The following IMMP1L variants were observed in gnomAD, a reference collection of about 807,000 sequenced individuals.
IMMP1L encodes the protein inner mitochondrial membrane peptidase subunit 1, also known as mitochondrial inner membrane protease subunit 1.
In IMMP1L, 24 loss-of-function variants were observed where a neutral mutation model predicts 21.8. The observed-to-expected ratio is 1.10, with a 90% CI of 0.80 to 1.55. The LOEUF is 1.55. Among genes scored for constraint, IMMP1L ranks in the 40% most tolerant of loss-of-function variants. IMMP1L has a pLI of 0.00. For missense variants in IMMP1L, 195 were observed against 200.7 expected (o/e 0.97, Z 0.17); for synonymous variants, 46 against 62.8 (o/e 0.73, Z 1.26).
rs200626059 is a variant in IMMP1L at position 31,456,260 on chromosome 11, A to G, written c.321T>C (p.Tyr107=). 3.8e-6 allele frequency: 6 copies of G among 1,585,358 alleles called. No homozygotes were observed. In the East Asian group the frequency reaches 1.3e-4, roughly 36 times the overall value. Residue 107 remains tyrosine (Y), a splice_region_variant and synonymous_variant, in exon 4 of 6, where the codon TAT becomes TAC. Transcript: ENST00000532287. ...SPSDFFKSHS[Y]VPMGHVWLEG... is the part of the protein sequence containing the mutation. Reference sequence around the variant, plus strand: ...ATAACATAATTGAAATGTTACTTACATAACTATGGCTTTTAAAGAAATCTG... The same window carrying G: ...ATAACATAATTGAAATGTTACTTACGTAACTATGGCTTTTAAAGAAATCTG...
chr11:31,499,292 G>C (rs1298688357), intron 1 of IMMP1L, among the ~76,000 whole-genome samples: 1 of 152,138 alleles, frequency 6.6e-6, no homozygotes, highest in Non-Finnish European at 1.5e-5. Flanking sequence ...GTGAACCCGG[G>C]ACGCGGAGCT....
intron 1 of IMMP1L, among the ~76,000 whole-genome samples, chr11:31,499,876 G>A (rs1161086261): frequency 4.0e-5 from 6 of 151,680 alleles, no homozygotes; most frequent in Non-Finnish European, 8.8e-5. Context: ...AAGATGAGAC[G>A]CTTCTTCCTG....
chr11:31,477,107 T>C (rs1220008179), intron 1 of IMMP1L: 6 of 152,184 alleles, frequency 3.9e-5, no homozygotes, highest in African/African-American at 1.4e-4. Flanking sequence ...TATAGGTGTC[T>C]ATATATTTCA....
chr11:31,476,284 T>C (rs1198090980), intron 1 of IMMP1L, among the ~76,000 whole-genome samples: 6 of 152,080 alleles, frequency 3.9e-5, no homozygotes, highest in Non-Finnish European at 8.8e-5. Flanking sequence ...ACTGGAAATA[T>C]TGGCAAGCTT....
At chr11:31,435,790 C>T (rs1358422722) in intron 4 of IMMP1L, among the ~76,000 whole-genome samples, 2 of 152,094 alleles carry the variant, frequency 1.3e-5, no homozygotes, top group African/African-American at 4.8e-5. Context: ...CCCAGTTTCT[C>T]ATTTCTGTTA....
intron 1 of IMMP1L, among the ~76,000 whole-genome samples, chr11:31,490,286 A>T (rs759463467): frequency 3.3e-5 from 5 of 152,118 alleles, no homozygotes; most frequent in Non-Finnish European, 5.9e-5. Flanking sequence ...ATCCCGGCCA[A>T]CATGGTGAAA....
At chr11:31,500,509 G>A (rs940152732) in intron 1 of IMMP1L, among the ~76,000 whole-genome samples, 1 of 151,860 alleles carries the variant, frequency 6.6e-6, no homozygotes, top group African/African-American at 2.4e-5. Flanking sequence ...AAAAGTTGAA[G>A]AGGAACAATC....
At chr11:31,439,993 A>G (rs555311058) in intron 4 of IMMP1L, among the ~76,000 whole-genome samples, 12 of 152,256 alleles carry the variant, frequency 7.9e-5, no homozygotes, top group African/African-American at 2.6e-4. Flanking sequence ...ACAATTTAGT[A>G]TTGAGCCCAA....
Position 31,470,587 on chromosome 11 carries a change from A to G in IMMP1L, c.-29-7282T>C, listed in dbSNP as rs1030938807. On this transcript the variant is annotated intron_variant, in intron 1 of 5. Coordinates refer to ENST00000532287, the MANE Select transcript of IMMP1L (RefSeq NM_001304274.2). ...CATATATAAAAAAGAACACTAAAAA[A>G]TAGAACTACCATATGATCCAGCAAT... 1.1e-4 allele frequency among the ~76,000 whole-genome samples: 17 copies of G among 152,212 alleles called. 1 individual carries two copies. The highest frequency in any genetic ancestry group is 2.2e-4 in the Non-Finnish European group (15 of 68,030).
At chr11:31,488,014 G>A (rs1392609520) in intron 1 of IMMP1L, among the ~76,000 whole-genome samples, 1 of 152,054 alleles carries the variant, frequency 6.6e-6, no homozygotes, top group Non-Finnish European at 1.5e-5. Context: ...CATCTATTAA[G>A]TGCCAACTTT....
At chr11:31,480,680 G>C (rs1376064716) in intron 1 of IMMP1L, among the ~76,000 whole-genome samples, 3 of 151,968 alleles carry the variant, frequency 2.0e-5, no homozygotes, top group African/African-American at 7.2e-5. Flanking sequence ...ACCTAGTCAT[G>C]CTACTTATTT....
chr11:31,440,493 C>T (rs1325431523), intron 4 of IMMP1L, among the ~76,000 whole-genome samples: 3 of 152,096 alleles, frequency 2.0e-5, no homozygotes, highest in Admixed American at 1.3e-4. Flanking sequence ...CAGGCTCAAG[C>T]GATTCTCCTG....
intron 4 of IMMP1L, among the ~76,000 whole-genome samples, chr11:31,453,421 A>G (rs1953826055): frequency 6.6e-6 from 1 of 152,214 alleles, no homozygotes; most frequent in South Asian, 2.1e-4. Context: ...AAGCAGCTCA[A>G]TCAAGATATG....
chr11:31,478,318 T>C (rs2133740571), intron 1 of IMMP1L, among the ~76,000 whole-genome samples: 1 of 152,250 alleles, frequency 6.6e-6, no homozygotes, highest in East Asian at 1.9e-4. Context: ...ATTACATCTT[T>C]TATTGACAGC....
At chr11:31,443,589 A>G (rs1564969826) in intron 4 of IMMP1L, among the ~76,000 whole-genome samples, 1 of 152,196 alleles carries the variant, frequency 6.6e-6, no homozygotes, top group Non-Finnish European at 1.5e-5. Context: ...GAGTCCTGAT[A>G]GAAGTGTTTC....
At chr11:31,486,501 T>G (rs1955081647) in intron 1 of IMMP1L, among the ~76,000 whole-genome samples, 1 of 151,994 alleles carries the variant, frequency 6.6e-6, no homozygotes, top group South Asian at 2.1e-4. Context: ...TATGTCACTT[T>G]ACTATATATG....
intron 4 of IMMP1L, among the ~76,000 whole-genome samples, chr11:31,442,823 CAGAT>C (rs1185651093): frequency 2.6e-5 from 4 of 151,836 alleles, no homozygotes; most frequent in East Asian, 1.9e-4. Flanking sequence ...TGAAAGCAAT[CAGAT>C]AGTCTTTTTT....
intron 2 of IMMP1L, among the ~76,000 whole-genome samples, chr11:31,460,926 G>A (rs1954119544): frequency 6.6e-6 from 1 of 152,028 alleles, no homozygotes; most frequent in African/African-American, 2.4e-5. Flanking sequence ...ATGGATTATT[G>A]CTTTCACATT....
intron 1 of IMMP1L, among the ~76,000 whole-genome samples, chr11:31,476,627 A>G (rs542320139): frequency 6.6e-6 from 1 of 152,188 alleles, no homozygotes; most frequent in South Asian, 2.1e-4. Flanking sequence ...TAAAAGATAC[A>G]GCTACTAAAC....
Sources: gnomAD v4.1 joint callset for allele counts (sites outside exome capture counted in the v4.1 genomes callset) on GRCh38, gnomAD v4.1.1 for gene constraint, MANE v1.5 for transcripts, NCBI Gene and HGNC (gene_info 2026-07-23, HGNC 2026-07-21) for gene names.